The following MBNL2 variants were observed in gnomAD, a reference collection of about 807,000 sequenced individuals.
MBNL2 encodes the protein muscleblind-like protein 2.
In MBNL2, 17 loss-of-function variants were observed where a neutral mutation model predicts 41.9. That is an observed-to-expected ratio of 0.41 (90% CI 0.28 to 0.61). MBNL2 has a LOEUF of 0.61. Among genes scored for constraint, MBNL2 ranks in the 20% least tolerant of loss-of-function variants. The pLI, the probability that MBNL2 is intolerant of heterozygous loss-of-function variation, is 0.35. For synonymous variants in MBNL2, 195 were observed against 182.9 expected (o/e 1.07, Z -0.53); for missense variants, 336 against 505.6 (o/e 0.66, Z 3.22).
intron 1 of MBNL2, among the ~76,000 whole-genome samples, chr13:97,262,962 A>AT (rs1042979723): frequency 2.0e-5 from 3 of 151,920 alleles, no homozygotes; most frequent in East Asian, 1.9e-4. Context: ...ATTTTATTTT[A>AT]TTTTTTTGGT....
At chr13:97,227,046 AAAAAAAC>A (rs2041721040) in intron 1 of MBNL2, among the ~76,000 whole-genome samples, 2 of 103,982 alleles carry the variant, frequency 1.9e-5, no homozygotes, top group Non-Finnish European at 4.0e-5. Context: ...GTTACAAAAA[AAAAAAAC>A]AAAAAAAAAA....
chr13:97,307,222 T>C (rs1321110102), intron 2 of MBNL2, among the ~76,000 whole-genome samples: 1 of 152,144 alleles, frequency 6.6e-6, no homozygotes, highest in Non-Finnish European at 1.5e-5. Flanking sequence ...TAGTTGGTTG[T>C]CAGAAATCCT....
At chr13:97,163,983 T>C in the MBNL2 span, among the ~76,000 whole-genome samples, 1 of 152,132 alleles carries the variant, frequency 6.6e-6, no homozygotes, top group African/African-American at 2.4e-5. Flanking sequence ...TCCTTGGATA[T>C]ATTTTATTTT....
chr13:97,235,282 A>T (rs1252817785), intron 1 of MBNL2, among the ~76,000 whole-genome samples: 1 of 152,170 alleles, frequency 6.6e-6, no homozygotes, highest in Non-Finnish European at 1.5e-5. Flanking sequence ...ATGATTTGCC[A>T]GGCCAAAAAT....
At chr13:97,283,859 T>G (rs1401553520) in intron 2 of MBNL2, among the ~76,000 whole-genome samples, 1 of 152,172 alleles carries the variant, frequency 6.6e-6, no homozygotes, top group East Asian at 1.9e-4. Flanking sequence ...CGTGACTCCC[T>G]AAGAGCAAGT....
chr13:97,191,541 C>A, the MBNL2 span, among the ~76,000 whole-genome samples: 1 of 152,040 alleles, frequency 6.6e-6, no homozygotes. Context: ...GTTATTAACA[C>A]AAGCTACACA....
intron 2 of MBNL2, among the ~76,000 whole-genome samples, chr13:97,287,721 C>CTT (rs768809008): frequency 3.7e-4 from 43 of 114,882 alleles, no homozygotes; most frequent in African/African-American, 1.2e-3. Flanking sequence ...CTTTTCTTTT[C>CTT]TTTTTTTTTT....
chr13:97,199,814 G>C, the MBNL2 span, among the ~76,000 whole-genome samples: 1 of 152,286 alleles, frequency 6.6e-6, no homozygotes, highest in South Asian at 2.1e-4. Context: ...TATCTTATAG[G>C]GTTGTTGTAT....
chr13:97,373,085 G>A (rs2064545818), intron 8 of MBNL2, among the ~76,000 whole-genome samples: 1 of 152,166 alleles, frequency 6.6e-6, no homozygotes, highest in African/African-American at 2.4e-5. Context: ...AGCCTCTATG[G>A]ATGGCTGATC....
the MBNL2 span, among the ~76,000 whole-genome samples, chr13:97,174,622 G>A: frequency 2.6e-5 from 4 of 152,144 alleles, no homozygotes; most frequent in African/African-American, 9.7e-5. Context: ...GGGATCAAAG[G>A]CAAATAGGTA....
At chr13:97,204,602 C>A in the MBNL2 span, among the ~76,000 whole-genome samples, 1 of 152,106 alleles carries the variant, frequency 6.6e-6, no homozygotes, top group Admixed American at 6.5e-5. Context: ...AGAAAAAAAA[C>A]TATACTTTCT....
the MBNL2 span, among the ~76,000 whole-genome samples, chr13:97,170,476 CTT>C: frequency 1.3e-5 from 2 of 152,124 alleles, no homozygotes; most frequent in Admixed American, 6.5e-5. Context: ...GGGATATAGA[CTT>C]ATTACTCAAA....
At chr13:97,175,324 C>T in the MBNL2 span, among the ~76,000 whole-genome samples, 2 of 152,154 alleles carry the variant, frequency 1.3e-5, no homozygotes, top group Non-Finnish European at 2.9e-5. Context: ...ATAGGTGTCT[C>T]CCCCAGCAAA....
At chr13:97,251,486 A>C (rs1566366957) in intron 1 of MBNL2, among the ~76,000 whole-genome samples, 1 of 152,316 alleles carries the variant, frequency 6.6e-6, no homozygotes, top group Non-Finnish European at 1.5e-5. Context: ...ATTAATAGGT[A>C]AAGTCAGATA....
chr13:97,187,593 TAAAAAAAAAAAAA>T, the MBNL2 span, among the ~76,000 whole-genome samples: 79 of 51,498 alleles, frequency 1.5e-3, 1 homozygote, highest in African/African-American at 4.4e-3. Context: ...CTATGCAGCT[TAAAAAAAAAAAAA>T]AAAAAAAAAA....
At chr13:97,267,080 G>GT (rs1168203209) in intron 1 of MBNL2, among the ~76,000 whole-genome samples, 7 of 152,178 alleles carry the variant, frequency 4.6e-5, no homozygotes, top group Non-Finnish European at 1.0e-4. Flanking sequence ...CATGACTGAT[G>GT]TTTTTCCCTT....
chr13:97,387,343 G>A (rs1344231066), intron 8 of MBNL2, among the ~76,000 whole-genome samples: 1 of 152,132 alleles, frequency 6.6e-6, no homozygotes, highest in Non-Finnish European at 1.5e-5. Flanking sequence ...CCATCTGGAG[G>A]AGCCCTGGGG....
chr13:97,316,419 T>C (rs1463951743), intron 2 of MBNL2, among the ~76,000 whole-genome samples: 1 of 152,262 alleles, frequency 6.6e-6, no homozygotes, highest in Non-Finnish European at 1.5e-5. Context: ...ACATCACTCC[T>C]CCCCTCAAAA....
intron 3 of MBNL2, among the ~76,000 whole-genome samples, chr13:97,338,039 C>A (rs2061037952): frequency 6.6e-6 from 1 of 152,198 alleles, no homozygotes; most frequent in African/African-American, 2.4e-5. Context: ...CATTATATCC[C>A]ACAGACAACA....
Sources: gnomAD v4.1 joint callset for allele counts (sites outside exome capture counted in the v4.1 genomes callset) on GRCh38, gnomAD v4.1.1 for gene constraint, MANE v1.5 for transcripts, NCBI Gene and HGNC (gene_info 2026-07-23, HGNC 2026-07-21) for gene names.